Variants in ERBB4 observed in about 807,000 individuals in gnomAD.
The protein encoded by ERBB4 is erb-b2 receptor tyrosine kinase 4.
A neutral mutation model predicts 158.0 loss-of-function variants in ERBB4; 42 were observed. That is an observed-to-expected ratio of 0.27 (90% CI 0.21 to 0.34). The LOEUF (loss-of-function observed/expected upper bound fraction) is 0.34, where lower values mean the gene tolerates loss of function less well. ERBB4 is among the 10% of genes least tolerant of loss of function. ERBB4 has a pLI of 1.00. For synonymous variants in ERBB4, 583 were observed against 558.7 expected, an observed-to-expected ratio of 1.04 and a Z score of -0.61; for missense variants, 1,333 against 1,624.1, an observed-to-expected ratio of 0.82 and a Z score of 3.08.
In ERBB4 at chr2:211,979,526, C is replaced by T. The variant is rs1033163562; in HGVS notation, c.235-31910G>A. On this transcript the variant is annotated intron_variant, in intron 2 of 27. Coordinates refer to ENST00000342788, the MANE Select transcript of ERBB4 (RefSeq NM_005235.3). ...AATTATGCTTCTGGTAATCCTTAAA[C>T]TTAATTTTAAAGAAAAGTATTTATT... 7.9e-5 allele frequency among the ~76,000 whole-genome samples: 12 copies of T among 152,208 alleles called. 1 individual carries two copies. The highest frequency in any genetic ancestry group is 2.6e-4 in the Admixed American group (4 of 15,296).
chr2:211,934,423 A>G (rs949439458), intron 3 of ERBB4, among the ~76,000 whole-genome samples: 5 of 152,062 alleles, frequency 3.3e-5, no homozygotes, highest in Non-Finnish European at 7.4e-5. Context: ...TATGAATAAA[A>G]TTAACTATAA....
intron 20 of ERBB4, among the ~76,000 whole-genome samples, chr2:211,432,707 A>T (rs1471843261): frequency 6.6e-6 from 1 of 152,184 alleles, no homozygotes; most frequent in Admixed American, 6.5e-5. Context: ...TGAAACATTC[A>T]TTATTCTCTT....
chr2:212,314,668 C>T (rs2106246884), intron 1 of ERBB4, among the ~76,000 whole-genome samples: 1 of 150,900 alleles, frequency 6.6e-6, no homozygotes, highest in Middle Eastern at 3.4e-3. Flanking sequence ...CGTGAATTTA[C>T]TTATTGCTTA....
intron 25 of ERBB4, among the ~76,000 whole-genome samples, chr2:211,389,171 G>A (rs2062749405): frequency 1.3e-5 from 2 of 152,090 alleles, no homozygotes; most frequent in South Asian, 4.2e-4. Context: ...GAGTAGCTGG[G>A]ACTACAGGCA....
chr2:211,988,710 T>C (rs190688721), intron 2 of ERBB4, among the ~76,000 whole-genome samples: 12 of 152,150 alleles, frequency 7.9e-5, no homozygotes, highest in Admixed American at 6.5e-4. Context: ...TCTTCTCTCT[T>C]TCATTTGCTT....
At chr2:211,853,858 A>G (rs1304556054) in intron 3 of ERBB4, among the ~76,000 whole-genome samples, 3 of 152,154 alleles carry the variant, frequency 2.0e-5, no homozygotes, top group Admixed American at 2.0e-4. Flanking sequence ...AAAGCAATAC[A>G]TTAGTTATAA....
At chr2:212,181,248 A>G (rs952168092) in intron 1 of ERBB4, among the ~76,000 whole-genome samples, 4 of 151,374 alleles carry the variant, frequency 2.6e-5, no homozygotes, top group Admixed American at 2.6e-4. Flanking sequence ...AATCTTTTCT[A>G]TTTTTCAGAT....
chr2:212,191,982 GT>G (rs1251685484), intron 1 of ERBB4, among the ~76,000 whole-genome samples: 2 of 88,936 alleles, frequency 2.2e-5, no homozygotes, highest in Non-Finnish European at 4.3e-5. Flanking sequence ...TGTTATATAT[GT>G]TATATGTTAT....
At chr2:211,530,130 C>T (rs555408435) in intron 20 of ERBB4, among the ~76,000 whole-genome samples, 7 of 152,046 alleles carry the variant, frequency 4.6e-5, no homozygotes. Context: ...ACTATTGGAA[C>T]GAATAAACAC....
chr2:211,685,629 G>A (rs996816034), intron 12 of ERBB4, among the ~76,000 whole-genome samples: 2 of 152,054 alleles, frequency 1.3e-5, no homozygotes, highest in African/African-American at 4.8e-5. Context: ...CATACAAATT[G>A]TATAATAATC....
At chr2:211,691,950 A>T (rs1559424203) in intron 12 of ERBB4, among the ~76,000 whole-genome samples, 1 of 152,116 alleles carries the variant, frequency 6.6e-6, no homozygotes, top group Non-Finnish European at 1.5e-5. Context: ...AATCCGTTGA[A>T]AGGTTCTAAG....
At chr2:211,890,743 AG>A (rs1194248943) in intron 3 of ERBB4, among the ~76,000 whole-genome samples, 1 of 133,290 alleles carries the variant, frequency 7.5e-6, no homozygotes, top group Non-Finnish European at 1.6e-5. Context: ...AAAAAAAGGC[AG>A]GGGTTGCAAT....
intron 2 of ERBB4, among the ~76,000 whole-genome samples, chr2:212,083,689 T>C (rs2078514339): frequency 6.6e-6 from 1 of 151,716 alleles, no homozygotes; most frequent in Non-Finnish European, 1.5e-5. Flanking sequence ...GTTGACAACA[T>C]AGGATTGCAC....
rs538652515 is a variant in ERBB4, at chr2:211,826,757, C to T, written c.422-38598G>A. Among the ~76,000 whole-genome samples the T allele has an allele frequency of 2.4e-4, 36 of 152,118 alleles. No individual in the cohort carries two copies. In the South Asian group the frequency reaches 7.5e-3, roughly 32 times the overall value. On this transcript the variant is annotated intron_variant, in intron 3 of 27. Transcript: ENST00000342788. ...ATACACCAATATAAAATAAAGGAAG[C>T]TGACTAATTCTCTAACACCACATAC...
chr2:211,431,795 CAT>C (rs2063753322), intron 20 of ERBB4, among the ~76,000 whole-genome samples: 1 of 151,984 alleles, frequency 6.6e-6, no homozygotes, highest in African/African-American at 2.4e-5. Context: ...CTTTATAAAA[CAT>C]AGAGGGAAAT....
intron 1 of ERBB4, among the ~76,000 whole-genome samples, chr2:212,142,170 C>T (rs749401079): frequency 6.6e-6 from 1 of 152,134 alleles, no homozygotes; most frequent in Non-Finnish European, 1.5e-5. Flanking sequence ...GTGTATGACA[C>T]TTTGAGTAGC....
chr2:212,527,803 T>C (rs1692530392), intron 1 of ERBB4, among the ~76,000 whole-genome samples: 1 of 151,330 alleles, frequency 6.6e-6, no homozygotes, highest in Non-Finnish European at 1.5e-5. Flanking sequence ...TGCTGCACCA[T>C]TAACTTGTCA....
chr2:212,308,867 G>T (rs948517470), intron 1 of ERBB4, among the ~76,000 whole-genome samples: 1 of 150,902 alleles, frequency 6.6e-6, no homozygotes, highest in African/African-American at 2.4e-5. Context: ...GCATACTGGG[G>T]AAACTACATT....
intron 1 of ERBB4, among the ~76,000 whole-genome samples, chr2:212,243,632 TATA>T (rs1279438757): frequency 1.3e-5 from 2 of 152,122 alleles, no homozygotes; most frequent in Non-Finnish European, 2.9e-5. Context: ...CCCAAAATGT[TATA>T]ATATTTTCAG....
Sources: allele counts gnomAD v4.1 joint callset (sites outside exome capture counted in the v4.1 genomes callset), GRCh38; gene constraint gnomAD v4.1.1; transcripts MANE v1.5; gene names NCBI Gene and HGNC (gene_info 2026-07-23, HGNC 2026-07-21).